SCGB2B2: variants seen among roughly 807,000 people sequenced by gnomAD.
SCGB2B2 encodes the protein secretoglobin family 2B member 2.
SCGB2B2 carries 11 observed loss-of-function variants against 7.6 expected under a neutral mutation model. The observed-to-expected ratio is 1.45, with a 90% CI of 0.91 to 2.40. The LOEUF (loss-of-function observed/expected upper bound fraction) is 2.40, where lower values mean the gene tolerates loss of function less well. Ranked by LOEUF, SCGB2B2 falls within the 30% of genes most tolerant of loss-of-function variation. The pLI, the probability that SCGB2B2 is intolerant of heterozygous loss-of-function variation, is 0.00. For missense variants in SCGB2B2, 104 were observed against 115.4 expected (o/e 0.90, Z 0.45); for synonymous variants, 50 against 48.6 (o/e 1.03, Z -0.12).
intron 1 of SCGB2B2, among the ~76,000 whole-genome samples, chr19:34,644,389 A>C (rs925090776): frequency 2.1e-5 from 3 of 143,224 alleles, no homozygotes; most frequent in African/African-American, 7.7e-5. Context: ...CTGGTAAAAT[A>C]TACATAGCAT....
At chr19:34,609,545 A>C (rs2065874570) in intron 1 of SCGB2B2, among the ~76,000 whole-genome samples, 1 of 152,142 alleles carries the variant, frequency 6.6e-6, no homozygotes, top group East Asian at 1.9e-4. Context: ...ATTAATATCC[A>C]ATTTTCCCAG....
chr19:34,632,156 A>G (rs2066551837), intron 1 of SCGB2B2: 1 of 152,238 alleles, frequency 6.6e-6, no homozygotes, highest in Non-Finnish European at 1.5e-5. Flanking sequence ...TATAAACCTA[A>G]AAGTACAAAA....
chr19:34,618,937 A>G (rs765560371), intron 1 of SCGB2B2, among the ~76,000 whole-genome samples: 4 of 152,216 alleles, frequency 2.6e-5, no homozygotes, highest in Non-Finnish European at 5.9e-5. Context: ...CAAGTCAAAC[A>G]ATTATTTAAA....
downstream of SCGB2B2, among the ~76,000 whole-genome samples, chr19:34,587,537 T>C (rs35858321): frequency 0.03 from 4,520 of 152,256 alleles, 224 homozygotes; most frequent in African/African-American, 0.1. Context: ...TCTTGCCTAA[T>C]TGCTCTGGCT....
At position 34,657,125 on chromosome 19, in the gene SCGB2B2, C is replaced by T. The variant is rs573490939; in HGVS notation, c.-2032+18505G>A. Among the ~76,000 whole-genome samples the T allele has an allele frequency of 1.8e-4, 27 of 151,174 alleles. 1 individual carries two copies. The highest frequency in any genetic ancestry group is 4.2e-4 in the African/African-American group (17 of 40,602). On this transcript the variant is annotated intron_variant, in intron 1 of 3. Transcript: ENST00000601241. ...AATTATACTTTTCTATATGGCAGCA[C>T]GAACATTTATAAACTGACACTTTAA...
At chr19:34,614,505 T>G (rs1403038695) in intron 1 of SCGB2B2, among the ~76,000 whole-genome samples, 1 of 152,224 alleles carries the variant, frequency 6.6e-6, no homozygotes, top group African/African-American at 2.4e-5. Flanking sequence ...ATTCATATCA[T>G]AAAGTTTATC....
chr19:34,594,256 CAG>C lies in SCGB2B2; in HGVS notation c.163_164del (p.Leu55AspfsTer28), dbSNP rs754680430. 7.4e-6 allele frequency: 12 copies of C among 1,614,064 alleles called. No homozygotes were observed. In the South Asian group the frequency reaches 1.3e-4, roughly 18 times the overall value. On this transcript the variant is annotated frameshift_variant, in exon 3 of 4. Transcript: ENST00000601241. LOFTEE classifies it high-confidence loss of function. ...GGACATTGAGGAAGGACTCCTCTGT[CAG>C]GGGACTGGGGTTGTAACGAGCAAGC... ...EELARYNPSP[L>X]TEESFLNVQQ... is the part of the protein sequence containing the mutation.
chr19:34,619,067 G>C (rs1028711198), intron 1 of SCGB2B2, among the ~76,000 whole-genome samples: 1 of 151,962 alleles, frequency 6.6e-6, no homozygotes, highest in Non-Finnish European at 1.5e-5. Context: ...CTTTTACATT[G>C]TCTTTTTTAA....
Position 34,595,492 on chromosome 19 carries a change from C to A in SCGB2B2, c.-929G>T. The A allele has an allele frequency of 6.5e-6, 1 of 152,784 alleles. No homozygotes were observed. 9.5% of individuals were successfully genotyped at this position (152,784 alleles called of 1,614,324 possible). On this transcript the variant is annotated 5_prime_UTR_variant, in exon 2 of 4. It adds an upstream start codon to the 5' untranslated region. Coordinates refer to ENST00000601241, the MANE Select transcript of SCGB2B2 (RefSeq NM_001025591.4). ...TTGGAGAGTAGCTAGTAGGAGCGGC[C>A]TTGACTGGGAGCCTGCACGTCTGTC...
At chr19:34,667,441 C>G (rs1426601847) in intron 1 of SCGB2B2, among the ~76,000 whole-genome samples, 1 of 152,146 alleles carries the variant, frequency 6.6e-6, no homozygotes, top group African/African-American at 2.4e-5. Flanking sequence ...CGGGGCCCCA[C>G]CCTCCCCAGC....
intron 1 of SCGB2B2, among the ~76,000 whole-genome samples, chr19:34,608,059 T>C (rs962130341): frequency 3.3e-5 from 5 of 152,190 alleles, no homozygotes; most frequent in African/African-American, 1.2e-4. Flanking sequence ...TTGGGTATTA[T>C]GAATATTTCA....
intron 1 of SCGB2B2, among the ~76,000 whole-genome samples, chr19:34,656,898 C>A (rs10421615): frequency 0.4 from 60,892 of 150,600 alleles, 13,798 homozygotes; most frequent in Middle Eastern, 0.6. Flanking sequence ...AGATACTAAA[C>A]AAAAATGCCT....
At chr19:34,605,124 C>G (rs2065742029) in intron 1 of SCGB2B2, among the ~76,000 whole-genome samples, 1 of 152,208 alleles carries the variant, frequency 6.6e-6, no homozygotes, top group African/African-American at 2.4e-5. Flanking sequence ...TACATGGAAT[C>G]ATACAACATG....
At position 34,661,591 on chromosome 19, in the gene SCGB2B2, GAGAC is replaced by G. The variant is rs570966964; in HGVS notation, c.-2032+14035_-2032+14038del. Among the ~76,000 whole-genome samples the G allele has an allele frequency of 1.9e-4, 29 of 152,342 alleles. No individual in the cohort carries two copies. The South Asian group carries it at 3.7e-3, about 20-fold the overall frequency. On this transcript the variant is annotated intron_variant, in intron 1 of 3. Coordinates refer to ENST00000601241, the MANE Select transcript of SCGB2B2 (RefSeq NM_001025591.4). ...CTCAACGCAGTGCCACACTGGCATA[GAGAC>G]AGACAAAGAGACCAGCGACATGAAA...
At chr19:34,675,285 A>G (rs1035387048) in intron 1 of SCGB2B2, among the ~76,000 whole-genome samples, 7 of 152,186 alleles carry the variant, frequency 4.6e-5, no homozygotes, top group African/African-American at 1.7e-4. Flanking sequence ...GCTTTGCACA[A>G]TCCAGTCTTT....
intron 1 of SCGB2B2, among the ~76,000 whole-genome samples, chr19:34,662,011 C>G (rs927341665): frequency 6.6e-6 from 1 of 152,060 alleles, no homozygotes; most frequent in Non-Finnish European, 1.5e-5. Context: ...TCCCAAGTAG[C>G]TAGGACTACA....
At chr19:34,597,722 G>A (rs964665244) in intron 1 of SCGB2B2, among the ~76,000 whole-genome samples, 8 of 152,224 alleles carry the variant, frequency 5.3e-5, no homozygotes, top group African/African-American at 1.4e-4. Flanking sequence ...CCGTTTCAGA[G>A]GGAAGACAAC....
chr19:34,620,751 G>A (rs1160204135), intron 1 of SCGB2B2, among the ~76,000 whole-genome samples: 1 of 152,076 alleles, frequency 6.6e-6, no homozygotes, highest in African/African-American at 2.4e-5. Context: ...GTGAAATTGG[G>A]GCCATGAGAT....
chr19:34,664,110 A>C (rs562793516), intron 1 of SCGB2B2, among the ~76,000 whole-genome samples: 45 of 152,272 alleles, frequency 3.0e-4, no homozygotes, highest in African/African-American at 1.0e-3. Context: ...CCCACAGTTG[A>C]GGGAGCTCCT....
Sources: allele counts gnomAD v4.1 joint callset (sites outside exome capture counted in the v4.1 genomes callset), GRCh38; gene constraint gnomAD v4.1.1; transcripts MANE v1.5; gene names NCBI Gene and HGNC (gene_info 2026-07-23, HGNC 2026-07-21).